BLK: variants seen among roughly 807,000 people sequenced by gnomAD.
BLK encodes BLK proto-oncogene, Src family tyrosine kinase.
In BLK, 64 loss-of-function variants were observed where a neutral mutation model predicts 61.8. That is an observed-to-expected ratio of 1.03 (90% CI 0.85 to 1.27). The LOEUF (loss-of-function observed/expected upper bound fraction) is 1.27, where lower values mean the gene tolerates loss of function less well. Ranked by LOEUF, BLK falls within the 50% of genes most tolerant of loss-of-function variation. BLK has a pLI of 0.00. For missense variants in BLK, 853 were observed against 660.5 expected, an observed-to-expected ratio of 1.29 and a Z score of -3.19; for synonymous variants, 351 against 272.0, an observed-to-expected ratio of 1.29 and a Z score of -2.86.
chr8:11,520,476 CAAAAAAAAAAAAAAAA>C (rs71203393), intron 1 of BLK, among the ~76,000 whole-genome samples: 10 of 69,678 alleles, frequency 1.4e-4, no homozygotes, highest in African/African-American at 4.0e-4. Context: ...GACCTTGTCT[CAAAAAAAAAAAAAAAA>C]AAAAAAAAAA....
At position 11,549,007 on chromosome 8, in the gene BLK, T is replaced by C. The variant is rs764997890; in HGVS notation, c.270-17T>C. On this transcript the variant is annotated splice_polypyrimidine_tract_variant and intron_variant, in intron 4 of 12. Transcript: ENST00000259089. ...CAGGGGCCATGATCTCATCTCTGTTTCCCCTGCTCCCATTAGAACTGGAGA... is the reference window on the plus strand; with the variant it reads ...CAGGGGCCATGATCTCATCTCTGTTCCCCCTGCTCCCATTAGAACTGGAGA... 2.5e-6 allele frequency: 4 copies of C among 1,595,764 alleles called. No individual in the cohort carries two copies. Among genetic ancestry groups the C allele is most frequent in the Non-Finnish European group, 3.4e-6 (4 of 1,170,090 alleles).
At chr8:11,503,895 C>A (rs754940479) in intron 1 of BLK, among the ~76,000 whole-genome samples, 4 of 152,174 alleles carry the variant, frequency 2.6e-5, no homozygotes, top group Non-Finnish European at 5.9e-5. Context: ...GCCACCCAGA[C>A]AAGTGTCCTG....
chr8:11,508,644 G>A (rs1200781854), intron 1 of BLK, among the ~76,000 whole-genome samples: 1 of 152,232 alleles, frequency 6.6e-6, no homozygotes, highest in Non-Finnish European at 1.5e-5. Flanking sequence ...TCCTGGAATT[G>A]GAACTGTCAC....
At chr8:11,512,359 T>C (rs879853963) in intron 1 of BLK, among the ~76,000 whole-genome samples, 10 of 152,220 alleles carry the variant, frequency 6.6e-5, no homozygotes, top group Non-Finnish European at 1.2e-4. Context: ...AATATCATTA[T>C]AAGCACGTAA....
intron 1 of BLK, among the ~76,000 whole-genome samples, chr8:11,541,171 G>C (rs967580581): frequency 2.2e-5 from 1 of 45,452 alleles, no homozygotes; most frequent in Non-Finnish European, 4.1e-5. Context: ...AGAGGCTGAG[G>C]TGGGAGGATC....
intron 3 of BLK, 53 bp from the exon 4 acceptor site, chr8:11,547,979 A>G: frequency 6.6e-7 from 1 of 1,509,896 alleles, no homozygotes; most frequent in Non-Finnish European, 9.2e-7. Flanking sequence ...CCCCAGCCCC[A>G]CCTTCCCGCT....
intron 1 of BLK, among the ~76,000 whole-genome samples, chr8:11,531,527 C>G (rs1301061164): frequency 6.6e-6 from 1 of 152,084 alleles, no homozygotes; most frequent in Non-Finnish European, 1.5e-5. Flanking sequence ...TTTTATTTAT[C>G]ATTGGTTTTC....
chr8:11,499,356 T>A (rs1490809609), intron 1 of BLK, among the ~76,000 whole-genome samples: 2 of 152,340 alleles, frequency 1.3e-5, no homozygotes, highest in African/African-American at 2.4e-5. Flanking sequence ...AATGACACAT[T>A]TTTCAGAACA....
intron 1 of BLK, among the ~76,000 whole-genome samples, chr8:11,531,700 C>T (rs987431359): frequency 2.0e-5 from 3 of 152,072 alleles, no homozygotes; most frequent in Admixed American, 6.6e-5. Flanking sequence ...CTTCTGACTG[C>T]GTGCTAATTT....
chr8:11,535,162 GAGAC>G (rs1484581613), intron 1 of BLK, among the ~76,000 whole-genome samples: 1 of 149,326 alleles, frequency 6.7e-6, no homozygotes, highest in African/African-American at 2.5e-5. Flanking sequence ...TGGGTGACAA[GAGAC>G]AGACAGATGA....
chr8:11,503,378 G>T lies in BLK; in HGVS notation c.-2+8787G>T, dbSNP rs562453249. On this transcript the variant is annotated intron_variant, in intron 1 of 12. Coordinates refer to ENST00000259089, the MANE Select transcript of BLK (RefSeq NM_001715.3). ...AAAGTGCGTTTATGGCTTTTATCTG[G>T]TTTCCTCTGATCAGAAAGATCTGGG... 3.3e-5 allele frequency among the ~76,000 whole-genome samples: 5 copies of T among 152,238 alleles called. No individual in the cohort carries two copies. In the South Asian group the frequency reaches 8.3e-4, roughly 25 times the overall value.
chr8:11,561,294 T>C lies in BLK; in HGVS notation c.1030-8T>C. 1 of 1,612,488 alleles carries C rather than the reference T, an allele frequency of 6.2e-7. No individual in the cohort carries two copies. Among genetic ancestry groups the C allele is most frequent in the Non-Finnish European group, 8.5e-7 (1 of 1,179,272 alleles). On this transcript the variant is annotated splice_polypyrimidine_tract_variant and splice_region_variant and intron_variant, in intron 10 of 12. Transcript: ENST00000259089. Reference sequence around the variant, plus strand: ...AGGCTGTCCTTCACCATGTGCCTGTTCCCTCAGATTGCTGAAGGGATGGCA... The same window carrying C: ...AGGCTGTCCTTCACCATGTGCCTGTCCCCTCAGATTGCTGAAGGGATGGCA...
intron 1 of BLK, among the ~76,000 whole-genome samples, chr8:11,514,273 C>G (rs1799137705): frequency 6.6e-6 from 1 of 152,236 alleles, no homozygotes; most frequent in East Asian, 1.9e-4. Context: ...CTTGATCTGT[C>G]CACAGGGTAC....
chr8:11,515,413 A>G (rs1357721586), intron 1 of BLK, among the ~76,000 whole-genome samples: 1 of 152,174 alleles, frequency 6.6e-6, no homozygotes, highest in Non-Finnish European at 1.5e-5. Context: ...CAGCCATGTC[A>G]GTGGCTCCAC....
chr8:11,507,361 A>C (rs936687563), intron 1 of BLK, among the ~76,000 whole-genome samples: 1 of 152,166 alleles, frequency 6.6e-6, no homozygotes, highest in Non-Finnish European at 1.5e-5. Context: ...CTGGATTTGC[A>C]GTGGCCCTGG....
intron 8 of BLK, 102 bp from the exon 9 acceptor site, chr8:11,556,556 G>T: frequency 7.1e-7 from 1 of 1,406,592 alleles, no homozygotes; most frequent in Non-Finnish European, 1.0e-6. Flanking sequence ...CTGGCACCTG[G>T]AATGGGGTGG....
rs1372910017 is a variant in BLK, at chr8:11,564,542, G to C, written c.*434G>C. The C allele has an allele frequency of 4.2e-6, 2 of 471,302 alleles. No individual in the cohort carries two copies. Among genetic ancestry groups the C allele is most frequent in the Admixed American group, 4.7e-5 (2 of 42,788 alleles). The allele number at this position is 471,302 out of a possible 1,614,324, so 29.2% of individuals were successfully genotyped here. ...GCGGACGCCAGCAGGGGCAGCCCCA[G>C]CCTAGGCTGCGCTCCAGCACTGCGG... is the stretch of plus-strand genomic sequence containing the variant. On this transcript the variant is annotated 3_prime_UTR_variant, in exon 13 of 13. Transcript: ENST00000259089.
At chr8:11,559,392 G>C (rs796090383) in intron 10 of BLK, among the ~76,000 whole-genome samples, 78 of 86,406 alleles carry the variant, frequency 9.0e-4, no homozygotes, top group African/African-American at 3.2e-3. Context: ...CTCACACACA[G>C]ACAGACACAC....
chr8:11,553,422 T>A (rs1305903844), intron 6 of BLK: 1 of 443,670 alleles, frequency 2.3e-6, no homozygotes, highest in African/African-American at 2.0e-5. Context: ...GGATCTGAGG[T>A]CGTCTTTACA....
Sources: gnomAD v4.1 joint callset for allele counts (sites outside exome capture counted in the v4.1 genomes callset) on GRCh38, gnomAD v4.1.1 for gene constraint, MANE v1.5 for transcripts, NCBI Gene and HGNC (gene_info 2026-07-23, HGNC 2026-07-21) for gene names.